Variants in NDRG2 observed in about 807,000 individuals in gnomAD.
NDRG2 encodes the protein protein NDRG2.
Under a neutral mutation model 58.2 loss-of-function variants are expected in NDRG2, and 34 were observed. The observed-to-expected ratio is 0.58, with a 90% CI of 0.44 to 0.78. The LOEUF (loss-of-function observed/expected upper bound fraction) is 0.78. Among genes scored for constraint, NDRG2 ranks in the 30% least tolerant of loss-of-function variants. The pLI is 0.00. For synonymous variants in NDRG2, 187 were observed against 175.9 expected (o/e 1.06, Z -0.50); for missense variants, 434 against 471.2 (o/e 0.92, Z 0.73).
chr14:21,029,194 A>T (rs911590083), upstream of NDRG2: 1 of 152,234 alleles, frequency 6.6e-6, no homozygotes, highest in Non-Finnish European at 1.5e-5. Flanking sequence ...GGGATTCTCC[A>T]TGCTACACTT....
intron 1 of NDRG2, chr14:21,032,254 C>T: frequency 1.4e-6 from 1 of 707,742 alleles, no homozygotes; most frequent in Non-Finnish European, 2.5e-6. Flanking sequence ...GGGTTCTCCA[C>T]CACACACCCT....
intron 1 of NDRG2, among the ~76,000 whole-genome samples, chr14:21,064,063 G>C (rs1038609901): frequency 3.3e-5 from 5 of 152,080 alleles, no homozygotes; most frequent in South Asian, 4.1e-4. Flanking sequence ...CATGACCCCT[G>C]CCCTCCACAT....
upstream of NDRG2, chr14:21,030,764 CAA>C: frequency 6.2e-7 from 1 of 1,612,106 alleles, no homozygotes; most frequent in Non-Finnish European, 8.5e-7. Flanking sequence ...AGTGAGGAGC[CAA>C]AAATATGGAG....
intron 1 of NDRG2, among the ~76,000 whole-genome samples, chr14:21,063,170 CA>C (rs1291876707): frequency 5.9e-5 from 9 of 151,668 alleles, no homozygotes; most frequent in Non-Finnish European, 8.8e-5. Flanking sequence ...GGATTTTAAG[CA>C]ACCAGTTTCT....
chr14:21,018,373 C>G, intron 13 of NDRG2, 84 bp downstream of exon 13: 1 of 1,605,816 alleles, frequency 6.2e-7, no homozygotes. Flanking sequence ...CCCATTTGCT[C>G]CCATGCCGGG....
At chr14:21,022,204 TCAA>T (rs748700368) in intron 4 of NDRG2, 22 bp from the exon 5 acceptor site, 6 of 1,613,992 alleles carry the variant, frequency 3.7e-6, no homozygotes, top group Non-Finnish European at 4.2e-6. Flanking sequence ...CCACATCACC[TCAA>T]CAATAGAATC....
chr14:21,048,574 A>T (rs1485390824), intron 1 of NDRG2: 2 of 152,212 alleles, frequency 1.3e-5, no homozygotes, highest in African/African-American at 4.8e-5. Flanking sequence ...TTACCAACAG[A>T]TGGTTTTTGG....
chr14:21,035,737 C>A, intron 1 of NDRG2: 1 of 455,774 alleles, frequency 2.2e-6, no homozygotes, highest in Non-Finnish European at 4.4e-6. Flanking sequence ...AAACCACAGT[C>A]CAAAATGGAA....
chr14:21,048,012 G>A (rs1187452425), intron 1 of NDRG2, among the ~76,000 whole-genome samples: 1 of 152,056 alleles, frequency 6.6e-6, no homozygotes, highest in Non-Finnish European at 1.5e-5. Context: ...AGTGTCTGGG[G>A]CTCTGGGGGA....
chr14:21,018,132 G>A, intron 14 of NDRG2, 72 bp downstream of exon 14: 7 of 1,602,934 alleles, frequency 4.4e-6, no homozygotes, highest in East Asian at 2.2e-5. Context: ...CGGGTGTGTG[G>A]CAAAGGGCAG....
intron 1 of NDRG2, chr14:21,031,754 C>T: frequency 1.1e-6 from 1 of 914,828 alleles, no homozygotes; most frequent in Non-Finnish European, 1.6e-6. Context: ...GTATCTGGGC[C>T]CTAAGAAAGC....
At position 21,019,759 on chromosome 14, in the gene NDRG2, G is replaced by A. The variant is rs1178272667; in HGVS notation, c.613-17C>T. 4.4e-6 allele frequency: 7 copies of A among 1,582,648 alleles called. No individual in the cohort carries two copies. The highest frequency in any genetic ancestry group is 5.2e-6 in the Non-Finnish European group (6 of 1,153,070). ...GAGCTCTTCCTGAAGGAGAGAACAA[G>A]GAGAAAAATTAGGGATGGAAAGAGA... On this transcript the variant is annotated splice_polypyrimidine_tract_variant and intron_variant, in intron 9 of 15. Coordinates refer to ENST00000556147, the MANE Select transcript of NDRG2 (RefSeq NM_001320329.2).
At chr14:21,036,980 T>C (rs1229989298) in intron 1 of NDRG2, among the ~76,000 whole-genome samples, 2 of 152,202 alleles carry the variant, frequency 1.3e-5, no homozygotes, top group African/African-American at 2.4e-5. Flanking sequence ...GCCAACCACA[T>C]TGTGGTCCCT....
At chr14:21,050,840 A>G (rs1885430898) in intron 1 of NDRG2, among the ~76,000 whole-genome samples, 1 of 152,202 alleles carries the variant, frequency 6.6e-6, no homozygotes. Flanking sequence ...TCATGTCTGT[A>G]ACTTGTTCTG....
At chr14:21,034,641 A>C in intron 1 of NDRG2, 1 of 232,366 alleles carries the variant, frequency 4.3e-6, no homozygotes, top group East Asian at 9.1e-5. Context: ...GAGAAGAAAG[A>C]AGGAGCAGGC....
At chr14:21,020,964 C>T (rs1179279699) in intron 6 of NDRG2, 120 bp from the exon 7 acceptor site, 7 of 1,136,882 alleles carry the variant, frequency 6.2e-6, no homozygotes, top group South Asian at 5.0e-5. Context: ...AAGGCAGACA[C>T]GGACCTTTCT....
intron 1 of NDRG2, chr14:21,044,297 C>T (rs1213317946): frequency 1.3e-5 from 2 of 154,474 alleles, no homozygotes; most frequent in Admixed American, 1.3e-4. Flanking sequence ...AACTGCCCCT[C>T]CCGTTTCTCT....
At chr14:21,020,716 C>G in intron 7 of NDRG2, 68 bp downstream of exon 7, 2 of 1,604,670 alleles carry the variant, frequency 1.2e-6, no homozygotes, top group Admixed American at 1.7e-5. Context: ...CCAAACAGCA[C>G]TAATAAACAG....
rs559412760 is a variant in NDRG2, at chr14:21,023,422, G to C, written c.-6-101C>G. The C allele has an allele frequency of 8.2e-5, 89 of 1,085,892 alleles. No individual in the cohort carries two copies. The African/African-American group carries it at 1.3e-3, about 16-fold the overall frequency. The allele number at this position is 1,085,892 out of a possible 1,614,324, so 67.3% of individuals were successfully genotyped here. On this transcript the variant is annotated intron_variant, in intron 1 of 15. Transcript: ENST00000556147. ...TCAGCACAGGAAGATGCAGGGAACA[G>C]AGGGACCCAGGGGTTGAAGACTACT...
Sources: allele counts gnomAD v4.1 joint callset (sites outside exome capture counted in the v4.1 genomes callset), GRCh38; gene constraint gnomAD v4.1.1; transcripts MANE v1.5; gene names NCBI Gene and HGNC (gene_info 2026-07-23, HGNC 2026-07-21).